ITGA8: variants seen among roughly 807,000 people sequenced by gnomAD.
ITGA8 encodes the protein integrin subunit alpha 8.
A neutral mutation model predicts 142.3 loss-of-function variants in ITGA8; 91 were observed. The ratio of observed to expected loss-of-function variants is 0.64; its 90% CI spans 0.54 to 0.76. The LOEUF is 0.76. ITGA8 is among the 30% of genes least tolerant of loss of function. The pLI is 0.00. For missense variants in ITGA8, 1,406 were observed against 1,327.7 expected (o/e 1.06, Z -0.92); for synonymous variants, 505 against 485.2 (o/e 1.04, Z -0.54).
intron 23 of ITGA8, among the ~76,000 whole-genome samples, chr10:15,580,266 A>C (rs757107932): frequency 3.3e-5 from 5 of 152,102 alleles, no homozygotes; most frequent in Non-Finnish European, 7.4e-5. Flanking sequence ...ATGCCAATAC[A>C]TGTAACAACT....
Position 15,719,623 on chromosome 10 carries a change from C to G in ITGA8, c.149G>C (p.Ser50Thr), listed in dbSNP as rs1349853123. Residue 50 changes from serine to threonine, a missense_variant, in exon 1 of 30, where the codon AGC becomes ACC. Physicochemically the swap from Ser to Thr is moderately conservative, Grantham distance 58 (BLOSUM62 1). Coordinates refer to ENST00000378076, the MANE Select transcript of ITGA8 (RefSeq NM_003638.3). ...NLDVEKLTVY[S>T]GPKGSYFGYA... ...GCCGAAGTAGCTGCCCTTGGGGCCG[C>G]TGTACACTGTGAGCTTTTCCACGTC... is the stretch of plus-strand genomic sequence containing the variant. The G allele has an allele frequency of 7.7e-6, 12 of 1,552,260 alleles. No individual in the cohort carries two copies. Among genetic ancestry groups the G allele is most frequent in the South Asian group, 6.0e-5 (5 of 82,688 alleles).
intron 14 of ITGA8, 21 bp from the exon 15 acceptor site, chr10:15,613,788 G>T (rs370644034): frequency 9.6e-6 from 15 of 1,562,544 alleles, no homozygotes; most frequent in Non-Finnish European, 1.3e-5. Context: ...AAAATGCAGG[G>T]TTTGTTTAAA....
intron 13 of ITGA8, among the ~76,000 whole-genome samples, chr10:15,618,207 G>A (rs1207452680): frequency 4.0e-5 from 6 of 149,912 alleles, no homozygotes; most frequent in East Asian, 2.0e-4. Context: ...ACATACACAC[G>A]TATCCCCTGA....
chr10:15,592,935 T>C lies in ITGA8; in HGVS notation c.2212-631A>G, dbSNP rs1832950767. On this transcript the variant is annotated intron_variant, in intron 21 of 29. Coordinates refer to ENST00000378076, the MANE Select transcript of ITGA8 (RefSeq NM_003638.3). The stretch of plus-strand genomic sequence containing the variant: ...CTATGATGCTTCTGTTTGATGGACA[T>C]TTATGTAGTCATTGAAATTATAGCT... Among the ~76,000 whole-genome samples, 3 of 152,318 alleles carry C rather than the reference T, an allele frequency of 2.0e-5. No individual in the cohort carries two copies. In the South Asian group the frequency reaches 6.2e-4, roughly 32 times the overall value.
chr10:15,665,164 C>T (rs1234158572), intron 8 of ITGA8, among the ~76,000 whole-genome samples: 4 of 152,184 alleles, frequency 2.6e-5, no homozygotes, highest in African/African-American at 9.7e-5. Context: ...TCTCCACATC[C>T]TCTCCAGCAC....
At position 15,607,823 on chromosome 10, in the gene ITGA8, C is replaced by T. The variant is rs1261690836; in HGVS notation, c.1618G>A (p.Ala540Thr). Residue 540 changes from alanine (A) to threonine (T), a missense_variant, in exon 17 of 30, where the codon GCA becomes ACA. Physicochemically the swap from Ala to Thr is moderately conservative, Grantham distance 58. Coordinates refer to ENST00000378076, the MANE Select transcript of ITGA8 (RefSeq NM_003638.3). ...QSIANTIVLM[A>T]EVQLDSLKQK... ...TTCAGGGAATCTAATTGCACCTCTG[C>T]CATCAAGACTAAAGGACAGAAGTAA... The T allele has an allele frequency of 1.2e-6, 2 of 1,611,862 alleles. No individual in the cohort carries two copies. The highest frequency in any genetic ancestry group is 1.7e-6 in the Non-Finnish European group (2 of 1,178,920).
At chr10:15,595,969 T>G (rs747978667) in intron 21 of ITGA8, among the ~76,000 whole-genome samples, 1 of 152,190 alleles carries the variant, frequency 6.6e-6, no homozygotes, top group Admixed American at 6.5e-5. Context: ...GAGAATCACT[T>G]GAACCCGGGA....
intron 13 of ITGA8, among the ~76,000 whole-genome samples, chr10:15,625,877 A>T (rs1027906805): frequency 6.6e-5 from 10 of 152,224 alleles, no homozygotes; most frequent in African/African-American, 2.4e-4. Flanking sequence ...TCTAGCAAAG[A>T]GCAGCCTATA....
intron 13 of ITGA8, among the ~76,000 whole-genome samples, chr10:15,617,258 G>C (rs539219478): frequency 9.9e-5 from 15 of 152,186 alleles, no homozygotes; most frequent in Admixed American, 6.5e-4. Flanking sequence ...ACTTAAGAAG[G>C]CTAAACTGTA....
At chr10:15,715,992 G>T (rs898776298) in intron 2 of ITGA8, among the ~76,000 whole-genome samples, 3 of 152,180 alleles carry the variant, frequency 2.0e-5, no homozygotes, top group African/African-American at 7.2e-5. Context: ...GGCAATCAAG[G>T]TTTCTGGGCC....
chr10:15,685,961 A>G (rs932675243), intron 3 of ITGA8, among the ~76,000 whole-genome samples: 4 of 152,224 alleles, frequency 2.6e-5, no homozygotes, highest in African/African-American at 9.6e-5. Context: ...AAATGCATAT[A>G]AAACATTAGC....
At chr10:15,611,014 C>G (rs1372323287) in intron 15 of ITGA8, among the ~76,000 whole-genome samples, 1 of 152,008 alleles carries the variant, frequency 6.6e-6, no homozygotes. Context: ...AAAACTACAC[C>G]GCTGTTTGAA....
intron 13 of ITGA8, among the ~76,000 whole-genome samples, chr10:15,632,912 AG>A (rs1393157296): frequency 2.0e-5 from 3 of 152,184 alleles, no homozygotes; most frequent in African/African-American, 7.2e-5. Flanking sequence ...CTCATTCTTT[AG>A]GCTTTTAATC....
At chr10:15,667,504 G>C (rs576515171) in intron 8 of ITGA8, among the ~76,000 whole-genome samples, 1 of 152,146 alleles carries the variant, frequency 6.6e-6, no homozygotes, top group South Asian at 2.1e-4. Context: ...AGAGTTTTTT[G>C]TGTCTCTATT....
At chr10:15,610,615 C>A (rs1485369646) in intron 15 of ITGA8, among the ~76,000 whole-genome samples, 1 of 152,172 alleles carries the variant, frequency 6.6e-6, no homozygotes, top group African/African-American at 2.4e-5. Flanking sequence ...ACTACATGAT[C>A]TTCTGAGGCT....
At chr10:15,718,530 G>A (rs997735655) in intron 2 of ITGA8, among the ~76,000 whole-genome samples, 2 of 152,152 alleles carry the variant, frequency 1.3e-5, no homozygotes, top group Non-Finnish European at 1.5e-5. Context: ...TTGCCAGGAT[G>A]CATCCGAACA....
intron 9 of ITGA8, among the ~76,000 whole-genome samples, chr10:15,659,664 A>G (rs1364168955): frequency 6.6e-6 from 1 of 152,256 alleles, no homozygotes; most frequent in Non-Finnish European, 1.5e-5. Flanking sequence ...ATTTGGAAAT[A>G]GGATCTTTGC....
At chr10:15,703,762 C>T (rs561153133) in intron 2 of ITGA8, among the ~76,000 whole-genome samples, 24 of 152,258 alleles carry the variant, frequency 1.6e-4, no homozygotes, top group African/African-American at 4.8e-4. Context: ...CATGCACACA[C>T]GCACACATAG....
chr10:15,687,917 A>C, intron 3 of ITGA8, 21 bp downstream of exon 3: 1 of 1,424,068 alleles, frequency 7.0e-7, no homozygotes, highest in Non-Finnish European at 9.9e-7. Flanking sequence ...GCAGCAGCAC[A>C]AGCCCACGGC....
Sources: gnomAD v4.1 joint callset for allele counts (sites outside exome capture counted in the v4.1 genomes callset) on GRCh38, gnomAD v4.1.1 for gene constraint, MANE v1.5 for transcripts, NCBI Gene and HGNC (gene_info 2026-07-23, HGNC 2026-07-21) for gene names.